Variants in RUNDC3B observed in about 807,000 individuals in gnomAD.
The protein encoded by RUNDC3B is RUN domain-containing protein 3B.
Under a neutral mutation model 58.4 loss-of-function variants are expected in RUNDC3B, and 33 were observed. The observed-to-expected ratio is 0.56, with a 90% CI of 0.43 to 0.75. RUNDC3B has a LOEUF of 0.75. Ranked by LOEUF, RUNDC3B falls within the 30% of genes least tolerant of loss-of-function variation. RUNDC3B has a pLI of 0.00. For synonymous variants in RUNDC3B, 193 were observed against 195.2 expected (o/e 0.99, Z 0.10); for missense variants, 501 against 535.7 (o/e 0.94, Z 0.64).
intron 8 of RUNDC3B, among the ~76,000 whole-genome samples, chr7:87,798,702 T>G (rs1207760590): frequency 6.6e-6 from 1 of 152,218 alleles, no homozygotes; most frequent in African/African-American, 2.4e-5. Flanking sequence ...TTTTAAGTTC[T>G]AAATTACTCA....
At chr7:87,801,482 GC>G in intron 8 of RUNDC3B, among the ~76,000 whole-genome samples, 1 of 152,276 alleles carries the variant, frequency 6.6e-6, no homozygotes, top group Non-Finnish European at 1.5e-5. Context: ...TTCCGATTGG[GC>G]GTGGTGGCTC....
At chr7:87,699,349 A>T (rs1013068692) in intron 2 of RUNDC3B, among the ~76,000 whole-genome samples, 3 of 152,162 alleles carry the variant, frequency 2.0e-5, no homozygotes, top group Admixed American at 2.0e-4. Flanking sequence ...CTCATATTCC[A>T]CTTAAAAATA....
intron 2 of RUNDC3B, among the ~76,000 whole-genome samples, chr7:87,698,434 T>A (rs1335988853): frequency 2.0e-5 from 3 of 152,160 alleles, no homozygotes; most frequent in Non-Finnish European, 4.4e-5. Context: ...TATATAGTTA[T>A]TAGAATAAAG....
At chr7:87,784,803 C>T (rs147847378) in intron 8 of RUNDC3B, among the ~76,000 whole-genome samples, 1 of 151,804 alleles carries the variant, frequency 6.6e-6, no homozygotes, top group African/African-American at 2.4e-5. Context: ...AAGTCTGTTC[C>T]TAGGTTTTGG....
At chr7:87,677,781 A>T (rs1014491846) in intron 2 of RUNDC3B, among the ~76,000 whole-genome samples, 3 of 152,190 alleles carry the variant, frequency 2.0e-5, no homozygotes, top group African/African-American at 7.2e-5. Context: ...TACAGCAAAA[A>T]ATCTTGAAAC....
At chr7:87,695,114 G>C (rs1828387586) in intron 2 of RUNDC3B, among the ~76,000 whole-genome samples, 1 of 152,046 alleles carries the variant, frequency 6.6e-6, no homozygotes, top group Non-Finnish European at 1.5e-5. Context: ...ATCTAATGTA[G>C]ATTCTGACTT....
At chr7:87,806,468 T>C (rs1336940065) in intron 8 of RUNDC3B, among the ~76,000 whole-genome samples, 1 of 152,188 alleles carries the variant, frequency 6.6e-6, no homozygotes, top group Admixed American at 6.6e-5. Flanking sequence ...ACTAAAGCCA[T>C]GGACTCCTGT....
intron 3 of RUNDC3B, among the ~76,000 whole-genome samples, chr7:87,704,290 G>C (rs1439384045): frequency 1.3e-5 from 2 of 152,006 alleles, no homozygotes; most frequent in Non-Finnish European, 1.5e-5. Flanking sequence ...TAAGGTTTAG[G>C]CTAAGGTTAA....
At chr7:87,670,490 C>A (rs893482683) in intron 2 of RUNDC3B, among the ~76,000 whole-genome samples, 1 of 152,250 alleles carries the variant, frequency 6.6e-6, no homozygotes, top group East Asian at 1.9e-4. Context: ...GCCAGTACAG[C>A]CTGATTAAAA....
intron 8 of RUNDC3B, among the ~76,000 whole-genome samples, chr7:87,797,969 A>C (rs1029769907): frequency 2.0e-5 from 3 of 152,206 alleles, no homozygotes; most frequent in Non-Finnish European, 4.4e-5. Context: ...AAAATACACG[A>C]ATACAGTCAA....
At chr7:87,808,897 GT>G (rs1349805451) in intron 9 of RUNDC3B, among the ~76,000 whole-genome samples, 6 of 152,122 alleles carry the variant, frequency 3.9e-5, no homozygotes, top group African/African-American at 9.6e-5. Context: ...AGATGCTCCT[GT>G]TTTTTAACTG....
intron 4 of RUNDC3B, among the ~76,000 whole-genome samples, chr7:87,714,122 T>C (rs1045462732): frequency 3.3e-5 from 5 of 152,184 alleles, no homozygotes; most frequent in Middle Eastern, 3.2e-3. Context: ...CCAAAATCTT[T>C]TAAGAGTTAA....
At chr7:87,789,236 T>C (rs1313872697) in intron 8 of RUNDC3B, among the ~76,000 whole-genome samples, 1 of 152,212 alleles carries the variant, frequency 6.6e-6, no homozygotes. Flanking sequence ...CTGATGAATG[T>C]TTTTTCTCTT....
At position 87,736,747 on chromosome 7, in the gene RUNDC3B, G is replaced by A. The variant is rs192331935; in HGVS notation, c.459-3044G>A. Among the ~76,000 whole-genome samples the A allele has an allele frequency of 9.6e-3, 1,399 of 146,012 alleles. 14 individuals carry two copies. Among genetic ancestry groups the A allele is most frequent in the Non-Finnish European group, 0.016 (1,037 of 66,782 alleles). On this transcript the variant is annotated intron_variant, in intron 4 of 10. Transcript: ENST00000394654. ...AACATTTATAATATGTTGAACTTAA[G>A]CAGTACAATGTTTTGGTTAGATTCT...
At chr7:87,693,158 T>G (rs1828168149) in intron 2 of RUNDC3B, among the ~76,000 whole-genome samples, 1 of 152,172 alleles carries the variant, frequency 6.6e-6, no homozygotes, top group Non-Finnish European at 1.5e-5. Flanking sequence ...AGTTTTCCCA[T>G]ATTGTTATAC....
intron 9 of RUNDC3B, among the ~76,000 whole-genome samples, chr7:87,813,753 G>A (rs925391124): frequency 6.6e-6 from 1 of 152,126 alleles, no homozygotes; most frequent in African/African-American, 2.4e-5. Context: ...GCCGAGGCGG[G>A]AGGATCGTGA....
chr7:87,796,216 A>C (rs1160281338), intron 8 of RUNDC3B, among the ~76,000 whole-genome samples: 1 of 152,198 alleles, frequency 6.6e-6, no homozygotes, highest in Non-Finnish European at 1.5e-5. Context: ...AGAAAGAAAA[A>C]TATTCCATGT....
chr7:87,665,185 TACA>T (rs1585040752), intron 2 of RUNDC3B, among the ~76,000 whole-genome samples: 1 of 152,134 alleles, frequency 6.6e-6, no homozygotes, highest in Non-Finnish European at 1.5e-5. Context: ...TAAATTATCT[TACA>T]TGTATAAGAA....
intron 4 of RUNDC3B, among the ~76,000 whole-genome samples, chr7:87,721,579 C>CTA (rs1830892478): frequency 6.6e-6 from 1 of 152,094 alleles, no homozygotes; most frequent in South Asian, 2.1e-4. Flanking sequence ...TACATTTGGA[C>CTA]TATATACCTT....
Sources: gnomAD v4.1 joint callset for allele counts (sites outside exome capture counted in the v4.1 genomes callset) on GRCh38, gnomAD v4.1.1 for gene constraint, MANE v1.5 for transcripts, NCBI Gene and HGNC (gene_info 2026-07-23, HGNC 2026-07-21) for gene names.